Variants in GABRA3 observed in about 807,000 individuals in gnomAD.
The protein encoded by GABRA3 is gamma-aminobutyric acid type A receptor subunit alpha3.
In GABRA3, 10 loss-of-function variants were observed where a neutral mutation model predicts 30.1. The ratio of observed to expected loss-of-function variants is 0.33; its 90% CI spans 0.20 to 0.56. The LOEUF (loss-of-function observed/expected upper bound fraction) is 0.56. GABRA3 is among the 20% of genes least tolerant of loss of function. The pLI is 0.89. For synonymous variants in GABRA3, 151 were observed against 146.8 expected (o/e 1.03, Z -0.21); for missense variants, 233 against 392.0 (o/e 0.59, Z 3.42).
chrX:152,340,122 A>G (rs747897811), intron 3 of GABRA3, among the ~76,000 whole-genome samples: 1 of 111,481 alleles, frequency 9.0e-6, no homozygotes, highest in Admixed American at 9.6e-5. Context: ...CTGCCTTCCT[A>G]TGGATTGAAT....
chrX:152,406,591 TA>T (rs1569418994), intron 1 of GABRA3, among the ~76,000 whole-genome samples: 5 of 105,027 alleles, frequency 4.8e-5, no homozygotes, highest in South Asian at 8.2e-4. Flanking sequence ...TATATATATA[TA>T]TATTTTTATA....
chrX:152,193,464 T>G (rs1428370909), intron 8 of GABRA3, among the ~76,000 whole-genome samples: 1 of 112,037 alleles, frequency 8.9e-6, no homozygotes, highest in African/African-American at 3.2e-5. Flanking sequence ...TTTCCAGTGT[T>G]CAACTATTGT....
intron 1 of GABRA3, among the ~76,000 whole-genome samples, chrX:152,436,755 C>T (rs1930786692): frequency 9.0e-6 from 1 of 111,255 alleles, no homozygotes; most frequent in Non-Finnish European, 1.9e-5. Flanking sequence ...GCACCAAAGA[C>T]ATAAATCAAA....
chrX:152,214,010 G>A (rs1406352257), intron 6 of GABRA3, among the ~76,000 whole-genome samples: 1 of 110,834 alleles, frequency 9.0e-6, no homozygotes, highest in East Asian at 2.8e-4. Flanking sequence ...TGAGCTTTTA[G>A]TGTACCCATT....
chrX:152,384,251 C>G (rs769842987), intron 1 of GABRA3, among the ~76,000 whole-genome samples: 3 of 111,451 alleles, frequency 2.7e-5, no homozygotes, highest in Non-Finnish European at 5.7e-5. Context: ...AAAGATAGCT[C>G]ATGTTCATAA....
At chrX:152,417,001 C>T (rs1444195511) in intron 1 of GABRA3, among the ~76,000 whole-genome samples, 1 of 103,536 alleles carries the variant, frequency 9.7e-6, no homozygotes, top group Non-Finnish European at 2.0e-5. Flanking sequence ...AAAGCAATGG[C>T]AACAAAAGAC....
chrX:152,357,195 T>C (rs1162250332), intron 2 of GABRA3, among the ~76,000 whole-genome samples: 1 of 111,998 alleles, frequency 8.9e-6, no homozygotes, highest in Non-Finnish European at 1.9e-5. Context: ...CTGAACTAAT[T>C]TACATTCCCA....
chrX:152,243,372 A>G (rs1436321660), intron 5 of GABRA3, among the ~76,000 whole-genome samples: 2 of 112,113 alleles, frequency 1.8e-5, no homozygotes, highest in African/African-American at 6.5e-5. Flanking sequence ...GATGTGAGGT[A>G]ATGCATATGA....
intron 3 of GABRA3, among the ~76,000 whole-genome samples, chrX:152,286,471 G>A (rs1416987648): frequency 1.8e-5 from 2 of 111,160 alleles, no homozygotes; most frequent in Admixed American, 9.7e-5. Context: ...ACAGCTAACA[G>A]GAGTAAAGCC....
intron 1 of GABRA3, among the ~76,000 whole-genome samples, chrX:152,365,359 C>A (rs1446818222): frequency 9.0e-6 from 1 of 111,717 alleles, no homozygotes; most frequent in Non-Finnish European, 1.9e-5. Context: ...TCCAAGCCTA[C>A]TTCCTGACAC....
At chrX:152,203,568 C>T (rs773344306) in intron 7 of GABRA3, among the ~76,000 whole-genome samples, 15 of 111,764 alleles carry the variant, frequency 1.3e-4, no homozygotes, top group Admixed American at 1.9e-4. Context: ...CTTATACTTC[C>T]GAAGGTCAGA....
chrX:152,339,947 A>G (rs1940290738), intron 3 of GABRA3, among the ~76,000 whole-genome samples: 1 of 111,062 alleles, frequency 9.0e-6, no homozygotes, highest in Non-Finnish European at 1.9e-5. Flanking sequence ...TCTCAGGGAG[A>G]AATTTGCTCT....
At chrX:152,419,271 C>T (rs1380735045) in intron 1 of GABRA3, among the ~76,000 whole-genome samples, 1 of 110,365 alleles carries the variant, frequency 9.1e-6, no homozygotes, top group Non-Finnish European at 1.9e-5. Flanking sequence ...TGCACATGTA[C>T]CCTAAAACTT....
At chrX:152,236,844 T>C (rs1233237955) in intron 5 of GABRA3, among the ~76,000 whole-genome samples, 1 of 101,872 alleles carries the variant, frequency 9.8e-6, no homozygotes, top group East Asian at 3.0e-4. Flanking sequence ...ATGGGGTTGT[T>C]TGTTTTTTTC....
At chrX:152,192,808 A>G (rs1937340487) in intron 8 of GABRA3, among the ~76,000 whole-genome samples, 1 of 111,755 alleles carries the variant, frequency 8.9e-6, no homozygotes, top group South Asian at 3.7e-4. Flanking sequence ...ATCTGACCTT[A>G]TCACCCATAT....
chrX:152,371,687 A>G (rs1460065165), intron 1 of GABRA3, among the ~76,000 whole-genome samples: 2 of 110,964 alleles, frequency 1.8e-5, no homozygotes, highest in Non-Finnish European at 3.8e-5. Flanking sequence ...TCTCTATCTC[A>G]ACTTCCTCAA....
chrX:152,394,956 T>C (rs1276526405), intron 1 of GABRA3, among the ~76,000 whole-genome samples: 1 of 111,416 alleles, frequency 9.0e-6, no homozygotes, highest in Non-Finnish European at 1.9e-5. Context: ...GTCAGACACC[T>C]ACAGGACATA....
At chrX:152,220,873 CTGTGTGTGTG>C (rs749228851) in intron 6 of GABRA3, among the ~76,000 whole-genome samples, 1 of 108,850 alleles carries the variant, frequency 9.2e-6, no homozygotes, top group Non-Finnish European at 1.9e-5. Flanking sequence ...GTGTGTGTGC[CTGTGTGTGTG>C]TGTGTTTCTG....
chrX:152,229,391 T>C (rs1938024308), intron 5 of GABRA3, among the ~76,000 whole-genome samples: 1 of 110,967 alleles, frequency 9.0e-6, no homozygotes, highest in Non-Finnish European at 1.9e-5. Flanking sequence ...TCTGCACCCT[T>C]CTCCCCCACA....
Sources: gnomAD v4.1 joint callset for allele counts (sites outside exome capture counted in the v4.1 genomes callset) on GRCh38, gnomAD v4.1.1 for gene constraint, MANE v1.5 for transcripts, NCBI Gene and HGNC (gene_info 2026-07-23, HGNC 2026-07-21) for gene names.